RYK: variants seen among roughly 807,000 people sequenced by gnomAD.
RYK encodes inactive tyrosine-protein kinase RYK.
Under a neutral mutation model 70.2 loss-of-function variants are expected in RYK, and 21 were observed. That is an observed-to-expected ratio of 0.30 (90% confidence interval 0.21 to 0.43). The LOEUF is 0.43. Ranked by LOEUF, RYK falls within the 20% of genes least tolerant of loss-of-function variation. The pLI is 1.00. For missense variants in RYK, 604 were observed against 753.3 expected, an observed-to-expected ratio of 0.80 and a Z score of 2.32; for synonymous variants, 267 against 278.0, an observed-to-expected ratio of 0.96 and a Z score of 0.39.
intron 13 of RYK, among the ~76,000 whole-genome samples, chr3:134,174,316 T>A (rs1232534371): frequency 6.6e-6 from 1 of 152,238 alleles, no homozygotes; most frequent in Non-Finnish European, 1.5e-5. Context: ...TGTAGTAATT[T>A]GCTACAGCAG....
At chr3:134,247,718 C>T (rs898405743) in intron 1 of RYK, among the ~76,000 whole-genome samples, 2 of 151,062 alleles carry the variant, frequency 1.3e-5, no homozygotes, top group African/African-American at 4.9e-5. Flanking sequence ...AAAAAAAAAG[C>T]CTTTTGGTTC....
At position 134,195,171 on chromosome 3, in the gene RYK, C is replaced by T; in HGVS notation, c.800G>A (p.Ser267Asn). 6.2e-7 allele frequency: 1 copy of T among 1,611,164 alleles called. No individual in the cohort carries two copies. Among genetic ancestry groups the T allele is most frequent in the Non-Finnish European group, 8.5e-7 (1 of 1,178,400 alleles). Residue 267 changes from serine (S) to asparagine (N), a missense_variant, in exon 7 of 15, where the codon AGC becomes AAC. Physicochemically the swap from Ser to Asn is conservative, Grantham distance 46 (BLOSUM62 1). Coordinates refer to ENST00000623711, the MANE Select transcript of RYK (RefSeq NM_002958.4). The part of the protein sequence containing the change: ...RIELDDSISA[S>N]SSSQGLSQPS... ...CTGAGACAGCCCTTGGGAACTACTG[C>T]TGGCACTAATGCTGCAAACAATTTT...
intron 6 of RYK, among the ~76,000 whole-genome samples, chr3:134,197,919 G>C (rs1034005561): frequency 2.0e-5 from 3 of 152,194 alleles, no homozygotes; most frequent in Non-Finnish European, 4.4e-5. Context: ...AGGCGTTACA[G>C]GGACATCTAT....
At chr3:134,214,105 C>G (rs1353334550) in intron 2 of RYK, among the ~76,000 whole-genome samples, 1 of 152,176 alleles carries the variant, frequency 6.6e-6, no homozygotes, top group Non-Finnish European at 1.5e-5. Flanking sequence ...CCGCGCCCGG[C>G]CGAAGCTCAC....
intron 1 of RYK, among the ~76,000 whole-genome samples, chr3:134,234,173 C>G (rs936854633): frequency 1.3e-5 from 2 of 152,010 alleles, no homozygotes; most frequent in African/African-American, 4.8e-5. Flanking sequence ...ACAGCTGCGA[C>G]AACTCATTAA....
At chr3:134,177,713 C>T (rs181650812) in intron 11 of RYK, among the ~76,000 whole-genome samples, 8 of 152,064 alleles carry the variant, frequency 5.3e-5, no homozygotes, top group Admixed American at 2.6e-4. Flanking sequence ...AAGTACACAA[C>T]GAGAATATAA....
chr3:134,217,775 AC>A (rs151008890), intron 2 of RYK, among the ~76,000 whole-genome samples: 1,823 of 152,314 alleles, frequency 0.012, 30 homozygotes, highest in African/African-American at 0.041. Flanking sequence ...CAGGGATGGT[AC>A]TAGAAGGTGC....
intron 13 of RYK, among the ~76,000 whole-genome samples, chr3:134,169,275 G>C (rs1461220812): frequency 1.3e-5 from 2 of 152,084 alleles, no homozygotes; most frequent in Non-Finnish European, 1.5e-5. Flanking sequence ...GCATACTCCT[G>C]ATTACATTTA....
intron 1 of RYK, among the ~76,000 whole-genome samples, chr3:134,237,936 C>T (rs141107276): frequency 5.1e-4 from 78 of 152,204 alleles, no homozygotes; most frequent in South Asian, 8.3e-4. Flanking sequence ...AGAGAAAAAA[C>T]CAATATCACT....
chr3:134,241,984 T>C (rs1030426822), intron 1 of RYK, among the ~76,000 whole-genome samples: 2 of 152,202 alleles, frequency 1.3e-5, no homozygotes, highest in African/African-American at 2.4e-5. Context: ...GTGTGCTGTC[T>C]ATTCCAGCTT....
At chr3:134,237,908 T>G (rs559528944) in intron 1 of RYK, among the ~76,000 whole-genome samples, 297 of 152,322 alleles carry the variant, frequency 1.9e-3, no homozygotes, top group African/African-American at 6.8e-3. Flanking sequence ...AGGACAGTGG[T>G]AATATGAGCC....
chr3:134,165,293 C>CT (rs2012622273), intron 13 of RYK, among the ~76,000 whole-genome samples: 1 of 152,166 alleles, frequency 6.6e-6, no homozygotes, highest in Non-Finnish European at 1.5e-5. Context: ...ACTGAATTTT[C>CT]TACATAAATG....
At chr3:134,160,810 G>A (rs1380421706) in intron 13 of RYK, among the ~76,000 whole-genome samples, 12 of 152,252 alleles carry the variant, frequency 7.9e-5, no homozygotes, top group Admixed American at 3.3e-4. Context: ...AGCCGAGATC[G>A]CGCCACTGCA....
chr3:134,161,038 A>G (rs554681530), intron 13 of RYK, among the ~76,000 whole-genome samples: 1 of 152,346 alleles, frequency 6.6e-6, no homozygotes, highest in East Asian at 1.9e-4. Context: ...ACCACATGGA[A>G]ATCTGAGTCA....
At chr3:134,226,735 A>G (rs1188825900) in intron 1 of RYK, among the ~76,000 whole-genome samples, 2 of 152,230 alleles carry the variant, frequency 1.3e-5, no homozygotes, top group Admixed American at 6.5e-5. Context: ...CTCGATACAG[A>G]AAAAGCATTT....
intron 1 of RYK, among the ~76,000 whole-genome samples, chr3:134,236,189 C>G (rs2015197351): frequency 6.6e-6 from 1 of 151,738 alleles, no homozygotes; most frequent in African/African-American, 2.4e-5. Flanking sequence ...CCTAATGAGT[C>G]AAAGGTTATG....
At chr3:134,173,354 C>G (rs1009840099) in intron 13 of RYK, among the ~76,000 whole-genome samples, 2 of 151,972 alleles carry the variant, frequency 1.3e-5, no homozygotes, top group Non-Finnish European at 2.9e-5. Context: ...TATCAAAATA[C>G]TTGGTATGTA....
chr3:134,226,028 A>T (rs576133102), intron 1 of RYK, among the ~76,000 whole-genome samples: 2 of 152,260 alleles, frequency 1.3e-5, no homozygotes, highest in South Asian at 4.1e-4. Context: ...TTCAAACCAA[A>T]ATCATACAGG....
chr3:134,220,298 T>C (rs2014696440), intron 2 of RYK, among the ~76,000 whole-genome samples: 1 of 152,226 alleles, frequency 6.6e-6, no homozygotes, highest in African/African-American at 2.4e-5. Context: ...TGATAATTGA[T>C]AAAATGTGAC....
Sources: allele counts gnomAD v4.1 joint callset (sites outside exome capture counted in the v4.1 genomes callset), GRCh38; gene constraint gnomAD v4.1.1; transcripts MANE v1.5; gene names NCBI Gene and HGNC (gene_info 2026-07-23, HGNC 2026-07-21).